Variants in ZNF423 observed in about 807,000 individuals in gnomAD.
ZNF423 encodes zinc finger protein 423.
ZNF423 carries 12 observed loss-of-function variants against 95.8 expected under a neutral mutation model. The ratio of observed to expected loss-of-function variants is 0.13; its 90% CI spans 0.08 to 0.20. The LOEUF is 0.20. Among genes scored for constraint, ZNF423 ranks in the 10% least tolerant of loss-of-function variants. The probability of loss-of-function intolerance (pLI) is 1.00; values close to 1 mark genes in which losing one functional copy is unlikely to be tolerated. For missense variants in ZNF423, 1,316 were observed against 1,737.1 expected, an observed-to-expected ratio of 0.76 and a Z score of 4.31; for synonymous variants, 749 against 711.9, an observed-to-expected ratio of 1.05 and a Z score of -0.83.
intron 5 of ZNF423, among the ~76,000 whole-genome samples, chr16:49,554,863 A>G (rs1474757173): frequency 6.6e-6 from 1 of 152,092 alleles, no homozygotes. Context: ...TCAGGACAAA[A>G]GCACCTGGCA....
chr16:49,602,445 A>G (rs1251058085), intron 5 of ZNF423, among the ~76,000 whole-genome samples: 1 of 152,250 alleles, frequency 6.6e-6, no homozygotes, highest in Admixed American at 6.5e-5. Context: ...GGGGCTGCAC[A>G]GAACCAGGTC....
intron 2 of ZNF423, among the ~76,000 whole-genome samples, chr16:49,762,984 C>T (rs980335135): frequency 2.0e-5 from 3 of 152,162 alleles, no homozygotes; most frequent in African/African-American, 7.2e-5. Context: ...CCTCTCACCT[C>T]AGCCTCCTGA....
chr16:49,725,216 A>C (rs987870566), intron 3 of ZNF423, among the ~76,000 whole-genome samples: 1 of 152,138 alleles, frequency 6.6e-6, no homozygotes, highest in African/African-American at 2.4e-5. Context: ...GACCTCATCC[A>C]TACAAGAAAA....
intron 4 of ZNF423, among the ~76,000 whole-genome samples, chr16:49,628,881 C>T (rs1195466350): frequency 6.6e-6 from 1 of 152,198 alleles, no homozygotes; most frequent in African/African-American, 2.4e-5. Flanking sequence ...TGAAACACCC[C>T]AGGGACAGAG....
At chr16:49,681,289 A>G (rs1238373548) in intron 3 of ZNF423, among the ~76,000 whole-genome samples, 1 of 152,236 alleles carries the variant, frequency 6.6e-6, no homozygotes, top group African/African-American at 2.4e-5. Flanking sequence ...GGAAAATAAA[A>G]TCCAACAGCA....
chr16:49,851,162 T>C (rs1364521230), intron 1 of ZNF423, among the ~76,000 whole-genome samples: 1 of 152,224 alleles, frequency 6.6e-6, no homozygotes, highest in African/African-American at 2.4e-5. Context: ...GTTGTTTTAT[T>C]TTTAAACAGA....
At chr16:49,535,197 G>C (rs555029725) in intron 5 of ZNF423, among the ~76,000 whole-genome samples, 16 of 152,312 alleles carry the variant, frequency 1.1e-4, no homozygotes, top group African/African-American at 3.6e-4. Context: ...AGCCTGGATG[G>C]GATTACCAGT....
intron 1 of ZNF423, among the ~76,000 whole-genome samples, chr16:49,819,114 G>A (rs896752034): frequency 5.3e-5 from 8 of 151,508 alleles, no homozygotes; most frequent in African/African-American, 1.7e-4. Flanking sequence ...TTAGCCGGGC[G>A]TGGTAGTGGG....
chr16:49,537,227 C>A (rs1193308069), intron 5 of ZNF423, among the ~76,000 whole-genome samples: 2 of 152,200 alleles, frequency 1.3e-5, no homozygotes, highest in Non-Finnish European at 2.9e-5. Flanking sequence ...TAACTTTGAA[C>A]CAACAAGTCA....
chr16:49,504,131 A>G (rs1406471055), intron 7 of ZNF423, among the ~76,000 whole-genome samples: 1 of 152,244 alleles, frequency 6.6e-6, no homozygotes, highest in Non-Finnish European at 1.5e-5. Flanking sequence ...TAACAGGAAC[A>G]GAGTTTCAGA....
intron 5 of ZNF423, among the ~76,000 whole-genome samples, chr16:49,601,353 C>G (rs1971367332): frequency 6.6e-6 from 1 of 152,198 alleles, no homozygotes; most frequent in Admixed American, 6.5e-5. Context: ...AGGGGTATCC[C>G]TTTGGGGCTG....
chr16:49,778,856 G>A lies in ZNF423; in HGVS notation c.100+10631C>T, dbSNP rs543040368. ...GCAAAAGTAAAGGTACAGGGTGCCA[G>A]GTGGCACCTTAGGGGTTGAGCACTC... is the stretch of plus-strand genomic sequence containing the variant. On this transcript the variant is annotated intron_variant, in intron 2 of 7. Coordinates refer to ENST00000563137, the MANE Select transcript of ZNF423 (RefSeq NM_001379286.1). Among the ~76,000 whole-genome samples, 3 of 152,342 alleles carry A rather than the reference G, an allele frequency of 2.0e-5. No individual in the cohort carries two copies. In the East Asian group the frequency reaches 5.8e-4, roughly 29 times the overall value.
At position 49,855,511 on chromosome 16, in the gene ZNF423, T is replaced by TCCGCCGCCGCCGCCG. The variant is rs545977248; in HGVS notation, c.40+209_40+223dup. 1.4e-4 allele frequency among the ~76,000 whole-genome samples: 20 copies of TCCGCCGCCGCCGCCG among 143,946 alleles called. No individual in the cohort carries two copies. Among genetic ancestry groups the TCCGCCGCCGCCGCCG allele is most frequent in the African/African-American group, 3.4e-4 (13 of 38,052 alleles). The allele number at this position is 143,946 out of a possible 152,430, so 94.4% of individuals were successfully genotyped here. ...GGGAGGGTGTCCGCGGCGTACCCCC[T>TCCGCCGCCGCCGCCG]CCGCCGCCGCCGCCGCCGCCGCCGC... On this transcript the variant is annotated intron_variant, in intron 1 of 7. Transcript: ENST00000563137. The surrounding 1 kb of genome is among the most constrained non-coding windows in gnomAD (Gnocchi z 4.7).
rs1480064595 is a variant in ZNF423 at position 49,704,058 on chromosome 16, C to A, written c.301+26713G>T. Among the ~76,000 whole-genome samples the A allele has an allele frequency of 1.8e-4, 28 of 152,258 alleles. No individual in the cohort carries two copies. In the East Asian group the frequency reaches 5.0e-3, roughly 27 times the overall value. On this transcript the variant is annotated intron_variant, in intron 3 of 7. Coordinates refer to ENST00000563137, the MANE Select transcript of ZNF423 (RefSeq NM_001379286.1). ...CCCCTTCAGAGTGGACTTCAGAGAA[C>A]CCTGTTCTTCAAAGAGGGCCTGGAG...
chr16:49,691,688 C>T (rs956037509), intron 3 of ZNF423, among the ~76,000 whole-genome samples: 1 of 151,680 alleles, frequency 6.6e-6, no homozygotes, highest in African/African-American at 2.4e-5. Flanking sequence ...GCCGAGATCG[C>T]ACCACTGCAC....
intron 4 of ZNF423, among the ~76,000 whole-genome samples, chr16:49,628,422 G>A (rs1171487010): frequency 2.8e-5 from 4 of 144,022 alleles, no homozygotes; most frequent in Non-Finnish European, 6.1e-5. Context: ...ACCCATCCAC[G>A]CATACACCCA....
intron 2 of ZNF423, among the ~76,000 whole-genome samples, chr16:49,736,743 C>T (rs537824843): frequency 7.9e-5 from 12 of 152,128 alleles, no homozygotes; most frequent in Non-Finnish European, 1.5e-4. Context: ...TGCAGTGAGC[C>T]GTGTTCGCAC....
intron 5 of ZNF423, among the ~76,000 whole-genome samples, chr16:49,609,546 G>A (rs531081903): frequency 7.2e-5 from 11 of 152,138 alleles, no homozygotes; most frequent in African/African-American, 2.4e-4. Flanking sequence ...GGAGATACAA[G>A]GAGGCACTAA....
intron 5 of ZNF423, among the ~76,000 whole-genome samples, chr16:49,576,971 C>T (rs1970519072): frequency 1.3e-5 from 2 of 152,310 alleles, no homozygotes; most frequent in South Asian, 2.1e-4. Flanking sequence ...ACAGAGGGCA[C>T]AGATGAGAAG....
Sources: allele counts gnomAD v4.1 joint callset (sites outside exome capture counted in the v4.1 genomes callset), GRCh38; gene constraint gnomAD v4.1.1; non-coding constraint Gnocchi (gnomAD v3.1); transcripts MANE v1.5; gene names NCBI Gene and HGNC (gene_info 2026-07-23, HGNC 2026-07-21).